Variants in DGKD observed in about 807,000 individuals in gnomAD.
The protein encoded by DGKD is DAG kinase delta.
A neutral mutation model predicts 154.4 loss-of-function variants in DGKD; 68 were observed. The observed-to-expected ratio is 0.44, with a 90% CI of 0.36 to 0.54. DGKD has a LOEUF of 0.54. Ranked by LOEUF, DGKD falls within the 20% of genes least tolerant of loss-of-function variation. The pLI is 0.00. For synonymous variants in DGKD, 693 were observed against 638.0 expected (o/e 1.09, Z -1.30); for missense variants, 1,343 against 1,593.6 (o/e 0.84, Z 2.68).
intron 3 of DGKD, among the ~76,000 whole-genome samples, chr2:233,433,806 A>T (rs1048720140): frequency 2.0e-5 from 3 of 152,158 alleles, no homozygotes; most frequent in Admixed American, 1.3e-4. Flanking sequence ...TTTTCTACTG[A>T]TTGATAAGAA....
intron 3 of DGKD, among the ~76,000 whole-genome samples, chr2:233,396,169 C>T (rs1164283703): frequency 6.6e-6 from 1 of 152,156 alleles, no homozygotes; most frequent in Non-Finnish European, 1.5e-5. Flanking sequence ...TCTTTGAAGG[C>T]ATTTCTGCTC....
chr2:233,365,135 T>C lies in DGKD; in HGVS notation c.156+10461T>C, dbSNP rs183476779. On this transcript the variant is annotated intron_variant, in intron 1 of 29. Transcript: ENST00000264057. ...TGTAAGGGAAACAAATTCATAATCA[T>C]AGTGAGATGTTTTAACACACCTGTC... Among the ~76,000 whole-genome samples, 256 of 152,184 alleles carry C rather than the reference T, an allele frequency of 1.7e-3. 3 individuals are homozygous for C. The highest frequency in any genetic ancestry group is 4.0e-4 in the Non-Finnish European group (27 of 68,002).
chr2:233,413,861 C>T (rs1009233374), intron 3 of DGKD, among the ~76,000 whole-genome samples: 2 of 152,194 alleles, frequency 1.3e-5, no homozygotes, highest in Non-Finnish European at 2.9e-5. Flanking sequence ...ATATTTTCAA[C>T]CTTTTTTGGT....
intron 3 of DGKD, among the ~76,000 whole-genome samples, chr2:233,390,888 C>A (rs1037105332): frequency 6.6e-6 from 1 of 152,088 alleles, no homozygotes; most frequent in African/African-American, 2.4e-5. Flanking sequence ...CATGTGCCAC[C>A]ACACCTGGCT....
chr2:233,405,270 G>A (rs2061656044), intron 3 of DGKD, among the ~76,000 whole-genome samples: 1 of 152,222 alleles, frequency 6.6e-6, no homozygotes, highest in Non-Finnish European at 1.5e-5. Context: ...TGTAATCCCA[G>A]CACTTTGGGA....
intron 3 of DGKD, among the ~76,000 whole-genome samples, chr2:233,398,437 G>A (rs898835465): frequency 5.3e-5 from 8 of 151,970 alleles, no homozygotes; most frequent in East Asian, 1.9e-4. Flanking sequence ...GAGCCACCGC[G>A]CCCGGCCAAT....
At chr2:233,446,438 G>T (rs2063073792) in intron 11 of DGKD, among the ~76,000 whole-genome samples, 1 of 152,216 alleles carries the variant, frequency 6.6e-6, no homozygotes, top group Non-Finnish European at 1.5e-5. Flanking sequence ...TCTTGAGGAG[G>T]GTAAATCCAT....
At chr2:233,401,692 G>T (rs926488315) in intron 3 of DGKD, among the ~76,000 whole-genome samples, 11 of 151,916 alleles carry the variant, frequency 7.2e-5, no homozygotes, top group African/African-American at 2.7e-4. Flanking sequence ...AAGCTGAGGC[G>T]GTGGTTCAAC....
chr2:233,468,075 AG>A (rs1218901482), intron 28 of DGKD, among the ~76,000 whole-genome samples: 2 of 152,044 alleles, frequency 1.3e-5, no homozygotes, highest in African/African-American at 4.8e-5. Flanking sequence ...CCCACCTGGC[AG>A]GAACAGATGC....
At chr2:233,378,411 C>CAAAA (rs373116594) in intron 1 of DGKD, among the ~76,000 whole-genome samples, 1 of 118,708 alleles carries the variant, frequency 8.4e-6, no homozygotes, top group Non-Finnish European at 1.8e-5. Context: ...GACTCCATCT[C>CAAAA]AAAAAAAAAA....
In DGKD at chr2:233,459,253, C is replaced by T. The variant is rs1233807643; in HGVS notation, c.2695-504C>T. On this transcript the variant is annotated intron_variant, in intron 22 of 29. Coordinates refer to ENST00000264057, the MANE Select transcript of DGKD (RefSeq NM_152879.3). This position sits in a 1 kb window ranked among gnomAD's most constrained non-coding sequence, Gnocchi z 5.7. ...TGACACCCACTGGCTGAACCCCACC[C>T]TGCGACTGTCTGGTGTCTTCCAGCA... Among the ~76,000 whole-genome samples, 1 of 152,188 alleles carries T rather than the reference C, an allele frequency of 6.6e-6. No individual in the cohort carries two copies. Among genetic ancestry groups the T allele is most frequent in the Non-Finnish European group, 1.5e-5 (1 of 68,034 alleles).
intron 3 of DGKD, among the ~76,000 whole-genome samples, chr2:233,432,626 A>T (rs376458558): frequency 2.6e-5 from 4 of 152,292 alleles, no homozygotes; most frequent in Admixed American, 6.5e-5. Context: ...GCCACTGCAC[A>T]CCAGCCTGGG....
chr2:233,461,512 T>G (rs1214254353), intron 24 of DGKD, among the ~76,000 whole-genome samples: 1 of 152,106 alleles, frequency 6.6e-6, no homozygotes, highest in East Asian at 1.9e-4. Context: ...GCCCCAGGAG[T>G]TGGTGCCACT....
intron 1 of DGKD, among the ~76,000 whole-genome samples, chr2:233,380,727 C>T (rs761180051): frequency 6.6e-5 from 10 of 152,150 alleles, no homozygotes; most frequent in Non-Finnish European, 1.0e-4. Context: ...GTAAGAGAAG[C>T]GTCCTGGCTT....
At chr2:233,447,628 G>C in intron 12 of DGKD, 1 of 994,928 alleles carries the variant, frequency 1.0e-6, no homozygotes, top group Non-Finnish European at 1.2e-6. Flanking sequence ...AAGGACAGCA[G>C]GGATCCCACA....
chr2:233,364,446 G>T (rs1439788597), intron 1 of DGKD, among the ~76,000 whole-genome samples: 1 of 152,166 alleles, frequency 6.6e-6, no homozygotes, highest in Non-Finnish European at 1.5e-5. Context: ...ATGCCTTTGG[G>T]TTTAAATTAT....
rs199643876 is a variant in DGKD, at chr2:233,459,799, C to G, written c.2737C>G (p.Pro913Ala). ...KISILGDEGV[P>A]VQVDGEAWVQ... ...CTCCATCCTTGGGGATGAGGGCGTGCCTGTGCAGGTGGACGGAGAGGCCTG... is the reference window on the plus strand; with the variant it reads ...CTCCATCCTTGGGGATGAGGGCGTGGCTGTGCAGGTGGACGGAGAGGCCTG... Residue 913 changes from proline to alanine, a missense_variant, in exon 23 of 30, where the codon CCT (proline) becomes GCT (alanine). By Grantham distance (27) the Pro-to-Ala change is conservative (BLOSUM62 -1). Around this residue, in one of 6 missense-constraint regions of DGKD, gnomAD observed 429 missense variants for 496.3 expected, o/e 0.86. Transcript: ENST00000264057. The surrounding 1 kb of genome is among the most constrained non-coding windows in gnomAD (Gnocchi z 5.7). 3.9e-4 allele frequency: 636 copies of G among 1,613,746 alleles called. No homozygotes were observed. Among genetic ancestry groups the G allele is most frequent in the Non-Finnish European group, 5.1e-4 (603 of 1,179,956 alleles).
chr2:233,370,259 G>T (rs2125396688), intron 1 of DGKD, among the ~76,000 whole-genome samples: 1 of 152,022 alleles, frequency 6.6e-6, no homozygotes, highest in South Asian at 2.1e-4. Flanking sequence ...TTTCTCTCAG[G>T]GTGGAGTGCA....
chr2:233,456,805 G>A, intron 19 of DGKD, 94 bp from the exon 20 acceptor site: 1 of 884,096 alleles, frequency 1.1e-6, no homozygotes, highest in Non-Finnish European at 1.8e-6. Flanking sequence ...CTGATTTGTG[G>A]GTCAGATGCT....
Sources: gnomAD v4.1 joint callset for allele counts (sites outside exome capture counted in the v4.1 genomes callset) on GRCh38, gnomAD v4.1.1 for gene constraint, gnomAD v4.1.1 regional missense constraint, Gnocchi (gnomAD v3.1) non-coding constraint, MANE v1.5 for transcripts, NCBI Gene and HGNC (gene_info 2026-07-23, HGNC 2026-07-21) for gene names.